The following RNF152 variants were observed in gnomAD, a reference collection of about 807,000 sequenced individuals.
The protein encoded by RNF152 is ring finger protein 152.
A neutral mutation model predicts 12.7 loss-of-function variants in RNF152; 11 were observed. The ratio of observed to expected loss-of-function variants is 0.86; its 90% confidence interval spans 0.54 to 1.43. The LOEUF (loss-of-function observed/expected upper bound fraction) is 1.43. Among genes scored for constraint, RNF152 ranks in the 40% most tolerant of loss-of-function variants. RNF152 has a pLI of 0.00. For missense variants in RNF152, 255 were observed against 274.8 expected (o/e 0.93, Z 0.51); for synonymous variants, 113 against 120.3 (o/e 0.94, Z 0.40).
At chr18:61,855,950 C>T (rs1911211678) in intron 1 of RNF152, among the ~76,000 whole-genome samples, 1 of 152,174 alleles carries the variant, frequency 6.6e-6, no homozygotes, top group Non-Finnish European at 1.5e-5. Flanking sequence ...ACTCCACATA[C>T]TTTAATCTGA....
intron 1 of RNF152, among the ~76,000 whole-genome samples, chr18:61,885,102 C>G: frequency 6.6e-6 from 1 of 152,194 alleles, no homozygotes; most frequent in Admixed American, 6.5e-5. Flanking sequence ...AATCTTATGT[C>G]TCATGCAACA....
In RNF152 at chr18:61,811,204, A is replaced by G. The variant is rs1912964341; in HGVS notation, c.*4648T>C. 6.6e-6 allele frequency: 1 copy of G among 152,206 alleles called. No individual in the cohort carries two copies. Among genetic ancestry groups the G allele is most frequent in the African/African-American group, 2.4e-5 (1 of 41,450 alleles). 9.4% of individuals were successfully genotyped at this position (152,206 alleles called of 1,614,324 possible). On this transcript the variant is annotated 3_prime_UTR_variant, in exon 2 of 2. Coordinates refer to ENST00000312828, the MANE Select transcript of RNF152 (RefSeq NM_173557.3). ...TTGGAAAACAATGAAAAGCAGACTA[A>G]CCAATTTTGAAACAACATAAGTTTT...
chr18:61,892,205 C>A (rs1912992077), intron 1 of RNF152, among the ~76,000 whole-genome samples: 1 of 152,332 alleles, frequency 6.6e-6, no homozygotes, highest in East Asian at 1.9e-4. Context: ...AAACTTCACT[C>A]AAGCTGTTTT....
chr18:61,841,952 C>T (rs138344513), intron 1 of RNF152, among the ~76,000 whole-genome samples: 31 of 152,316 alleles, frequency 2.0e-4, no homozygotes, highest in Non-Finnish European at 4.1e-4. Flanking sequence ...CAATACGTAA[C>T]AAATGGACAT....
intron 1 of RNF152, among the ~76,000 whole-genome samples, chr18:61,874,629 G>A (rs548107657): frequency 5.9e-4 from 90 of 152,278 alleles, no homozygotes; most frequent in African/African-American, 2.1e-3. Context: ...GAGGTATATC[G>A]GAGTTTATCA....
At chr18:61,873,107 C>T (rs1243169123) in intron 1 of RNF152, among the ~76,000 whole-genome samples, 1 of 152,188 alleles carries the variant, frequency 6.6e-6, no homozygotes, top group Non-Finnish European at 1.5e-5. Context: ...GAGCAAGCTA[C>T]TAAAGTTCAC....
chr18:61,840,785 T>C (rs1910416504), intron 1 of RNF152, among the ~76,000 whole-genome samples: 1 of 152,198 alleles, frequency 6.6e-6, no homozygotes, highest in South Asian at 2.1e-4. Flanking sequence ...TACATTAATC[T>C]CTAATGGATA....
intron 1 of RNF152, among the ~76,000 whole-genome samples, chr18:61,883,135 G>C (rs902577287): frequency 5.3e-5 from 8 of 152,172 alleles, no homozygotes; most frequent in Non-Finnish European, 1.0e-4. Flanking sequence ...AAAGCCCACA[G>C]TGTTCAGCCC....
chr18:61,868,182 C>T (rs765580366), intron 1 of RNF152, among the ~76,000 whole-genome samples: 2 of 152,148 alleles, frequency 1.3e-5, no homozygotes, highest in Non-Finnish European at 2.9e-5. Flanking sequence ...GGTTGGCCTT[C>T]GGGTGTTGCT....
At chr18:61,868,992 T>G (rs980597156) in intron 1 of RNF152, among the ~76,000 whole-genome samples, 1 of 152,146 alleles carries the variant, frequency 6.6e-6, no homozygotes, top group African/African-American at 2.4e-5. Flanking sequence ...TGAGAGTAAC[T>G]AAAAAGCATT....
chr18:61,869,844 A>T (rs771064809), intron 1 of RNF152, among the ~76,000 whole-genome samples: 1 of 152,212 alleles, frequency 6.6e-6, no homozygotes, highest in Admixed American at 6.5e-5. Context: ...GCTTTTATGC[A>T]TCCATGAACT....
At chr18:61,888,460 C>T (rs1186422167) in intron 1 of RNF152, 2 of 152,132 alleles carry the variant, frequency 1.3e-5, no homozygotes, top group African/African-American at 2.4e-5. Context: ...AGTGCCTATA[C>T]GACCAATCTG....
intron 1 of RNF152, among the ~76,000 whole-genome samples, chr18:61,862,668 C>T (rs1005569169): frequency 2.0e-5 from 3 of 152,236 alleles, no homozygotes; most frequent in African/African-American, 7.2e-5. Flanking sequence ...CCCCTCACCC[C>T]ACGTGTCTCT....
At chr18:61,843,779 A>G (rs1398385351) in intron 1 of RNF152, among the ~76,000 whole-genome samples, 3 of 152,188 alleles carry the variant, frequency 2.0e-5, no homozygotes, top group African/African-American at 7.2e-5. Flanking sequence ...AAGAATTAAT[A>G]GAATCATGGT....
intron 1 of RNF152, among the ~76,000 whole-genome samples, chr18:61,817,245 C>A (rs974341894): frequency 6.6e-6 from 1 of 152,216 alleles, no homozygotes; most frequent in Non-Finnish European, 1.5e-5. Flanking sequence ...AGCAACAAAA[C>A]CAAAAGCAGC....
chr18:61,886,872 G>A (rs879109933), intron 1 of RNF152, among the ~76,000 whole-genome samples: 1 of 152,244 alleles, frequency 6.6e-6, no homozygotes, highest in Admixed American at 6.5e-5. Flanking sequence ...TGAATGAAAT[G>A]AGAGATGGAG....
intron 1 of RNF152, among the ~76,000 whole-genome samples, chr18:61,880,581 A>G (rs866635949): frequency 1.3e-5 from 2 of 152,270 alleles, no homozygotes; most frequent in Middle Eastern, 3.4e-3. Context: ...ACTATCTACT[A>G]CTATATTTCT....
intron 1 of RNF152, among the ~76,000 whole-genome samples, chr18:61,832,519 T>C (rs1266712980): frequency 6.6e-6 from 1 of 152,202 alleles, no homozygotes; most frequent in Non-Finnish European, 1.5e-5. Context: ...TAAGCCTGTT[T>C]AATCCACAAA....
chr18:61,844,122 G>GAAAA (rs764619700), intron 1 of RNF152, among the ~76,000 whole-genome samples: 42 of 113,632 alleles, frequency 3.7e-4, no homozygotes, highest in Non-Finnish European at 7.7e-4. Flanking sequence ...AAGAAAGAAA[G>GAAAA]AAAGAAAGAA....
Sources: gnomAD v4.1 joint callset for allele counts (sites outside exome capture counted in the v4.1 genomes callset) on GRCh38, gnomAD v4.1.1 for gene constraint, MANE v1.5 for transcripts, NCBI Gene and HGNC (gene_info 2026-07-23, HGNC 2026-07-21) for gene names.